Variants in TNFRSF10B observed in about 807,000 individuals in gnomAD.
TNFRSF10B encodes the protein tumor necrosis factor receptor superfamily member 10B.
A neutral mutation model predicts 41.4 loss-of-function variants in TNFRSF10B; 35 were observed. That is an observed-to-expected ratio of 0.85 (90% CI 0.65 to 1.12). The LOEUF is 1.12. TNFRSF10B is among the 50% of genes most tolerant of loss of function. The pLI is 0.00. For missense variants in TNFRSF10B, 584 were observed against 552.7 expected, an observed-to-expected ratio of 1.06 and a Z score of -0.57; for synonymous variants, 230 against 215.5, an observed-to-expected ratio of 1.07 and a Z score of -0.59.
intron 1 of TNFRSF10B, among the ~76,000 whole-genome samples, chr8:23,056,880 TAA>T (rs1812684936): frequency 1.3e-5 from 2 of 152,100 alleles, no homozygotes; most frequent in Admixed American, 1.3e-4. Context: ...TTCTCTTTTT[TAA>T]AAGAGACTTT....
intron 2 of TNFRSF10B, among the ~76,000 whole-genome samples, chr8:23,040,079 GC>G (rs1320821879): frequency 6.6e-5 from 10 of 151,558 alleles, no homozygotes; most frequent in African/African-American, 2.4e-4. Flanking sequence ...TACTCAGGAG[GC>G]TGAGGCAGGA....
chr8:23,040,578 G>C (rs1812164339), intron 2 of TNFRSF10B, among the ~76,000 whole-genome samples: 1 of 150,596 alleles, frequency 6.6e-6, no homozygotes, highest in Admixed American at 6.6e-5. Flanking sequence ...TTTTCAAAAG[G>C]TGATAAGGGA....
At chr8:23,063,121 G>T (rs1367272680) in intron 1 of TNFRSF10B, among the ~76,000 whole-genome samples, 1 of 152,120 alleles carries the variant, frequency 6.6e-6, no homozygotes, top group African/African-American at 2.4e-5. Context: ...GGCCAAGGCG[G>T]TGGATCTCCT....
Position 23,020,568 on chromosome 8 carries a change from T to C in TNFRSF10B, c.*2103A>G, listed in dbSNP as rs746754052. ...TTAGCCAGGCGTGGTGGCGGGTGCC[T>C]GCAATCCCAGCTACTCCGGAGGCTG... On this transcript the variant is annotated 3_prime_UTR_variant, in exon 9 of 9. Coordinates refer to ENST00000276431, the MANE Select transcript of TNFRSF10B (RefSeq NM_003842.5). 2.0e-5 allele frequency: 9 copies of C among 446,720 alleles called. No individual in the cohort carries two copies. Among genetic ancestry groups the C allele is most frequent in the South Asian group, 1.4e-4 (9 of 63,920 alleles). 27.7% of individuals were successfully genotyped at this position (446,720 alleles called of 1,614,324 possible). A position where few individuals can be genotyped will look rare whatever the true frequency, so the allele number is the denominator to read the frequency against.
rs190340015 is a variant in TNFRSF10B, at chr8:23,020,138, A to G, written c.*2533T>C. The G allele has an allele frequency of 3.4e-5, 13 of 386,934 alleles. No individual in the cohort carries two copies. The Admixed American group carries it at 3.9e-4, about 12-fold the overall frequency. 24.0% of individuals were successfully genotyped at this position (386,934 alleles called of 1,614,324 possible). A position where few individuals can be genotyped will look rare whatever the true frequency, so the allele number is the denominator to read the frequency against. On this transcript the variant is annotated 3_prime_UTR_variant, in exon 9 of 9. Transcript: ENST00000276431. ...GGAGACAAAAACCACACCTCTTTTT[A>G]TATAAGGTTTCATATTTAATTTGGT...
intron 2 of TNFRSF10B, among the ~76,000 whole-genome samples, chr8:23,040,821 A>G (rs995265599): frequency 4.6e-5 from 7 of 152,130 alleles, no homozygotes; most frequent in Admixed American, 1.3e-4. Flanking sequence ...AAAAAATCCA[A>G]ATTACACAAA....
chr8:23,040,313 A>T (rs184070109), intron 2 of TNFRSF10B, among the ~76,000 whole-genome samples: 642 of 32,606 alleles, frequency 0.02, 99 homozygotes, highest in African/African-American at 0.026. Context: ...TATATATTTA[A>T]TAAATATATA....
intron 1 of TNFRSF10B, among the ~76,000 whole-genome samples, chr8:23,046,817 T>C (rs1166230781): frequency 6.6e-6 from 1 of 152,136 alleles, no homozygotes; most frequent in African/African-American, 2.4e-5. Flanking sequence ...CTATGGTCAA[T>C]TGATTTTTGC....
intron 2 of TNFRSF10B, among the ~76,000 whole-genome samples, chr8:23,037,495 A>T (rs895235948): frequency 6.6e-6 from 1 of 152,252 alleles, no homozygotes; most frequent in African/African-American, 2.4e-5. Context: ...CCTTCCCTGC[A>T]TGCAATGCTT....
chr8:23,021,003 T>C lies in TNFRSF10B; in HGVS notation c.*1668A>G, dbSNP rs921724725. ...AACTCCACAGACACAACAGTCTGAA[T>C]GTGTGATCTTCAGGCAATTCTAACT... On this transcript the variant is annotated 3_prime_UTR_variant, in exon 9 of 9. Transcript: ENST00000276431. 5.5e-5 allele frequency: 25 copies of C among 454,006 alleles called. No homozygotes were observed. The highest frequency in any genetic ancestry group is 1.6e-4 in the Admixed American group (7 of 42,552). 28.1% of individuals were successfully genotyped at this position (454,006 alleles called of 1,614,324 possible).
intron 1 of TNFRSF10B, among the ~76,000 whole-genome samples, chr8:23,057,766 T>A (rs1030004009): frequency 7.2e-5 from 11 of 152,374 alleles, no homozygotes; most frequent in African/African-American, 2.4e-4. Context: ...ATGATTATTA[T>A]GTCTACCAGA....
intron 2 of TNFRSF10B, among the ~76,000 whole-genome samples, chr8:23,033,519 C>T (rs923531328): frequency 5.2e-5 from 7 of 134,672 alleles, no homozygotes; most frequent in African/African-American, 1.9e-4. Context: ...ACCCAGGGGC[C>T]GGAGCCTGCA....
intron 1 of TNFRSF10B, among the ~76,000 whole-genome samples, chr8:23,050,251 G>GT (rs1356168514): frequency 6.6e-6 from 1 of 152,062 alleles, no homozygotes; most frequent in East Asian, 1.9e-4. Context: ...CTGTTTTGCC[G>GT]TAGTGCACTT....
intron 2 of TNFRSF10B, among the ~76,000 whole-genome samples, chr8:23,039,322 T>C (rs947202713): frequency 1.3e-5 from 2 of 151,998 alleles, no homozygotes. Context: ...TCTAGAGAGA[T>C]AAAGATTTAT....
Position 23,022,729 on chromosome 8 carries a change from A to T in TNFRSF10B, c.1265T>A (p.Leu422Ter). 1.9e-6 allele frequency: 3 copies of T among 1,614,036 alleles called. No individual in the cohort carries two copies. Among genetic ancestry groups the T allele is most frequent in the Non-Finnish European group, 2.5e-6 (3 of 1,179,992 alleles). Residue 422 changes from leucine (L) to a stop codon, truncating the protein, a stop_gained, in exon 9 of 9, where the codon TTG (leucine) becomes TAG (stop). Coordinates refer to ENST00000276431, the MANE Select transcript of TNFRSF10B (RefSeq NM_003842.5). LOFTEE classifies it low-confidence loss of function (END_TRUNC). ...ATACATGAACTTTCCAGAGCTCAAC[A>T]AGTGGTCCTCAATCTTCTGCTTGGC... The part of the protein sequence containing the change: ...RLAKQKIEDH[L>*]LSSGKFMYLE...
At chr8:23,064,750 C>T (rs1016263869) in intron 1 of TNFRSF10B, among the ~76,000 whole-genome samples, 1 of 152,196 alleles carries the variant, frequency 6.6e-6, no homozygotes, top group Non-Finnish European at 1.5e-5. Flanking sequence ...CTCTTCTTTC[C>T]TCTCTGAGTC....
chr8:23,034,896 G>C (rs753819376), intron 2 of TNFRSF10B, among the ~76,000 whole-genome samples: 46 of 152,180 alleles, frequency 3.0e-4, no homozygotes, highest in Non-Finnish European at 5.6e-4. Flanking sequence ...ATTATCATAC[G>C]CTTAACCAGG....
At chr8:23,037,022 G>C (rs1812049066) in intron 2 of TNFRSF10B, among the ~76,000 whole-genome samples, 1 of 152,202 alleles carries the variant, frequency 6.6e-6, no homozygotes, top group African/African-American at 2.4e-5. Context: ...GTCTGGGGAA[G>C]AGGTGTGTGG....
At chr8:23,028,002 C>A in intron 5 of TNFRSF10B, 1 of 607,274 alleles carries the variant, frequency 1.6e-6, no homozygotes. Flanking sequence ...AAAAATCCCA[C>A]GACCACTTCT....
Sources: gnomAD v4.1 joint callset for allele counts (sites outside exome capture counted in the v4.1 genomes callset) on GRCh38, gnomAD v4.1.1 for gene constraint, MANE v1.5 for transcripts, NCBI Gene and HGNC (gene_info 2026-07-23, HGNC 2026-07-21) for gene names.